The following EYS variants were observed in gnomAD, a reference collection of about 807,000 sequenced individuals.
EYS encodes the protein EGF-like photoreceptor maintenance factor, also known as protein eyes shut homolog.
A neutral mutation model predicts 282.1 loss-of-function variants in EYS; 250 were observed. That is an observed-to-expected ratio of 0.89 (90% CI 0.80 to 0.98). The LOEUF is 0.98. EYS is among the 50% of genes least tolerant of loss of function. EYS has a pLI of 0.00. For missense variants in EYS, 4,016 were observed against 3,709.0 expected (o/e 1.08, Z -2.15); for synonymous variants, 1,355 against 1,282.9 (o/e 1.06, Z -1.20).
At chr6:65,666,266 T>A (rs1204086893) in intron 1 of EYS, among the ~76,000 whole-genome samples, 3 of 151,828 alleles carry the variant, frequency 2.0e-5, no homozygotes, top group Non-Finnish European at 3.0e-5. Context: ...TCATAAAATA[T>A]CTATAGACAC....
At chr6:65,009,681 C>T (rs1467000608) in intron 13 of EYS, among the ~76,000 whole-genome samples, 1 of 152,214 alleles carries the variant, frequency 6.6e-6, no homozygotes, top group Non-Finnish European at 1.5e-5. Context: ...GGATGATTTA[C>T]TTTTAGCTGC....
At chr6:64,389,592 T>C (rs1773033708) in intron 28 of EYS, among the ~76,000 whole-genome samples, 1 of 152,232 alleles carries the variant, frequency 6.6e-6, no homozygotes, top group Non-Finnish European at 1.5e-5. Context: ...TATGGGTTTT[T>C]TCATAACAGA....
At chr6:63,879,289 G>A (rs1054635265) in intron 35 of EYS, among the ~76,000 whole-genome samples, 9 of 152,112 alleles carry the variant, frequency 5.9e-5, no homozygotes, top group African/African-American at 2.2e-4. Context: ...TTTCAGTAGT[G>A]TAGGAATAAG....
rs533827638 is a variant in EYS at position 64,958,039 on chromosome 6, AT to A, written c.2260-12126del. ...CTTCTAATATTTTACATTTATTAGG[AT>A]TTTTTTCTGTAAAATGGTTTTAAGT... On this transcript the variant is annotated intron_variant, in intron 14 of 42. Coordinates refer to ENST00000503581, the MANE Select transcript of EYS (RefSeq NM_001142800.2). Among the ~76,000 whole-genome samples, 460 of 151,982 alleles carry A rather than the reference AT, an allele frequency of 3.0e-3. 2 individuals carry two copies. Among genetic ancestry groups the A allele is most frequent in the Non-Finnish European group, 5.5e-3 (377 of 67,942 alleles).
intron 12 of EYS, among the ~76,000 whole-genome samples, chr6:65,107,490 G>C (rs1775075241): frequency 7.4e-6 from 1 of 134,298 alleles, no homozygotes; most frequent in Non-Finnish European, 1.6e-5. Context: ...GAAACAAATG[G>C]CTGCGATCTA....
At chr6:65,013,683 T>C (rs1209903870) in intron 13 of EYS, among the ~76,000 whole-genome samples, 1 of 152,008 alleles carries the variant, frequency 6.6e-6, no homozygotes. Context: ...TGAGACTAGT[T>C]TCAGCAACAT....
intron 12 of EYS, among the ~76,000 whole-genome samples, chr6:65,125,609 C>G (rs1481828857): frequency 6.6e-6 from 1 of 152,032 alleles, no homozygotes; most frequent in Non-Finnish European, 1.5e-5. Flanking sequence ...AGAATCCGAC[C>G]AAAATTTTTG....
intron 26 of EYS, among the ~76,000 whole-genome samples, chr6:64,491,257 C>T (rs1246670570): frequency 1.3e-5 from 2 of 150,688 alleles, no homozygotes; most frequent in Admixed American, 6.6e-5. Flanking sequence ...CTTTGTTACC[C>T]TAAAATGAAA....
chr6:65,662,415 G>C (rs1768037410), intron 1 of EYS, among the ~76,000 whole-genome samples: 1 of 152,108 alleles, frequency 6.6e-6, no homozygotes, highest in African/African-American at 2.4e-5. Context: ...ACACCCATCA[G>C]CTTTGCAATG....
intron 29 of EYS, among the ~76,000 whole-genome samples, chr6:64,374,833 A>T (rs1188019707): frequency 6.6e-6 from 1 of 152,196 alleles, no homozygotes; most frequent in Non-Finnish European, 1.5e-5. Context: ...AGAGAATGAG[A>T]GAGACAGAGA....
At chr6:64,050,437 T>C (rs76322862) in intron 33 of EYS, among the ~76,000 whole-genome samples, 2,573 of 152,302 alleles carry the variant, frequency 0.017, 91 homozygotes, top group African/African-American at 0.059. Flanking sequence ...TAGAGGGTCT[T>C]ATAGTACCTG....
intron 34 of EYS, among the ~76,000 whole-genome samples, chr6:63,994,641 C>T (rs1437715344): frequency 6.6e-6 from 1 of 151,888 alleles, no homozygotes; most frequent in African/African-American, 2.4e-5. Flanking sequence ...ATATTTTCCA[C>T]ACAGTAGGAA....
At chr6:65,274,467 C>T (rs1387960989) in intron 12 of EYS, among the ~76,000 whole-genome samples, 2 of 152,174 alleles carry the variant, frequency 1.3e-5, no homozygotes, top group African/African-American at 2.4e-5. Context: ...ATTAGCACAT[C>T]TCCTTGTCCC....
intron 28 of EYS, among the ~76,000 whole-genome samples, chr6:64,430,155 G>A (rs753412537): frequency 2.0e-5 from 3 of 152,106 alleles, no homozygotes; most frequent in Non-Finnish European, 4.4e-5. Flanking sequence ...AAACTTGGAT[G>A]CTTACTCTAG....
chr6:64,174,443 G>A lies in EYS; in HGVS notation c.6424+56149C>T, dbSNP rs370936077. On this transcript the variant is annotated intron_variant, in intron 31 of 42. Transcript: ENST00000503581. ...AATAGTAATACTTAAATTGCAAGAT[G>A]TAATGTTATAATCTTTTTATCATCA... 2.6e-5 allele frequency among the ~76,000 whole-genome samples: 4 copies of A among 151,956 alleles called. No individual in the cohort carries two copies. In the East Asian group the frequency reaches 7.8e-4, roughly 29 times the overall value.
chr6:65,546,745 A>AT (rs1768406299), intron 2 of EYS, among the ~76,000 whole-genome samples: 1 of 151,784 alleles, frequency 6.6e-6, no homozygotes, highest in South Asian at 2.1e-4. Flanking sequence ...CTACTTTTGT[A>AT]TTTTTAGTAG....
chr6:65,044,811 C>T (rs1773051110), intron 13 of EYS, among the ~76,000 whole-genome samples: 1 of 151,718 alleles, frequency 6.6e-6, no homozygotes, highest in Non-Finnish European at 1.5e-5. Flanking sequence ...TTTTGGTACC[C>T]TTCCTTATGT....
chr6:64,592,764 A>C (rs947236982), intron 25 of EYS, among the ~76,000 whole-genome samples: 1 of 152,134 alleles, frequency 6.6e-6, no homozygotes, highest in Non-Finnish European at 1.5e-5. Flanking sequence ...AGGAATATAA[A>C]TTTACCTTAA....
chr6:65,070,155 C>G (rs184496988), intron 12 of EYS, among the ~76,000 whole-genome samples: 69 of 152,034 alleles, frequency 4.5e-4, no homozygotes, highest in African/African-American at 1.1e-3. Flanking sequence ...AATCTCCCTT[C>G]CATTACAAAA....
Sources: allele counts gnomAD v4.1 joint callset (sites outside exome capture counted in the v4.1 genomes callset), GRCh38; gene constraint gnomAD v4.1.1; transcripts MANE v1.5; gene names NCBI Gene and HGNC (gene_info 2026-07-23, HGNC 2026-07-21).